The following KCNU1 variants were observed in gnomAD, a reference collection of about 807,000 sequenced individuals.
The protein encoded by KCNU1 is potassium calcium-activated channel subfamily U member 1, also known as potassium channel subfamily U member 1.
In KCNU1, 93 loss-of-function variants were observed where a neutral mutation model predicts 126.8. The ratio of observed to expected loss-of-function variants is 0.73; its 90% CI spans 0.62 to 0.87. The LOEUF (loss-of-function observed/expected upper bound fraction) is 0.87. Among genes scored for constraint, KCNU1 ranks in the 40% least tolerant of loss-of-function variants. KCNU1 has a pLI of 0.00. For missense variants in KCNU1, 1,330 were observed against 1,367.1 expected (o/e 0.97, Z 0.43); for synonymous variants, 523 against 494.2 (o/e 1.06, Z -0.77).
At chr8:36,875,123 C>T (rs1462318350) in intron 19 of KCNU1, among the ~76,000 whole-genome samples, 2 of 151,974 alleles carry the variant, frequency 1.3e-5, no homozygotes, top group African/African-American at 4.8e-5. Context: ...AAAGAAGCTG[C>T]CATTTTCTGT....
At chr8:36,813,218 TA>T (rs1435504330) in intron 7 of KCNU1, among the ~76,000 whole-genome samples, 1 of 152,128 alleles carries the variant, frequency 6.6e-6, no homozygotes, top group Non-Finnish European at 1.5e-5. Context: ...ACCTATTCAT[TA>T]AATTTAAGAA....
At chr8:36,865,723 T>C (rs989917715) in intron 19 of KCNU1, among the ~76,000 whole-genome samples, 7 of 141,168 alleles carry the variant, frequency 5.0e-5, no homozygotes, top group Admixed American at 7.8e-5. Flanking sequence ...TTACAGTGAG[T>C]TGTGTTCATA....
chr8:36,909,152 A>T lies in KCNU1; in HGVS notation c.2107-159A>T, dbSNP rs116377128. 3.8e-3 allele frequency among the ~76,000 whole-genome samples: 577 copies of T among 152,336 alleles called. 6 individuals carry two copies. Among genetic ancestry groups the T allele is most frequent in the African/African-American group, 0.013 (545 of 41,574 alleles). On this transcript the variant is annotated intron_variant, in intron 20 of 26. Coordinates refer to ENST00000399881, the MANE Select transcript of KCNU1 (RefSeq NM_001031836.3). ...GGTGTAATTGCACCACTTGTGCATG[A>T]GTTCTGTTTTTTATAAACAATTTGC... is the stretch of plus-strand genomic sequence containing the variant.
intron 18 of KCNU1, among the ~76,000 whole-genome samples, chr8:36,849,313 G>A (rs1028252276): frequency 6.6e-6 from 1 of 152,186 alleles, no homozygotes; most frequent in African/African-American, 2.4e-5. Context: ...TTTCAGCTAG[G>A]CACAGTGGCT....
intron 22 of KCNU1, among the ~76,000 whole-genome samples, chr8:36,912,657 C>T (rs977755547): frequency 4.6e-5 from 7 of 151,992 alleles, no homozygotes; most frequent in Non-Finnish European, 1.0e-4. Flanking sequence ...CATAATTGGA[C>T]AAAGAAGAAG....
chr8:36,880,980 G>A (rs955046106), intron 19 of KCNU1, among the ~76,000 whole-genome samples: 3 of 151,988 alleles, frequency 2.0e-5, no homozygotes, highest in Non-Finnish European at 4.4e-5. Context: ...GCTTTGCAGG[G>A]CCCTGGGCAT....
chr8:36,788,613 T>C (rs1563255443), intron 2 of KCNU1, among the ~76,000 whole-genome samples: 1 of 152,188 alleles, frequency 6.6e-6, no homozygotes, highest in African/African-American at 2.4e-5. Flanking sequence ...TAAAGCTTGG[T>C]TGGAAGTATT....
At chr8:36,801,228 T>C (rs1375767114) in intron 2 of KCNU1, among the ~76,000 whole-genome samples, 2 of 152,286 alleles carry the variant, frequency 1.3e-5, no homozygotes, top group East Asian at 3.9e-4. Context: ...AAAGTCTGAT[T>C]AGTTGTAAAT....
chr8:36,787,471 G>A, intron 2 of KCNU1, 46 bp downstream of exon 2: 1 of 1,556,470 alleles, frequency 6.4e-7, no homozygotes, highest in Non-Finnish European at 8.7e-7. Flanking sequence ...TTTAGCCATA[G>A]GTGTGATTAT....
rs376528842 is a variant in KCNU1, at chr8:36,806,333, C to A, written c.533C>A (p.Thr178Asn). 1.9e-6 allele frequency: 3 copies of A among 1,610,938 alleles called. No individual in the cohort carries two copies. Among genetic ancestry groups the A allele is most frequent in the Non-Finnish European group, 2.5e-6 (3 of 1,178,392 alleles). ...LEMNSIVDIF[T>N]IPPTFISYYL... The stretch of plus-strand genomic sequence containing the variant: ...ATGAATTCAATCGTAGACATCTTTA[C>A]CATCCCACCAACCTTTATTTCTTAT... The change falls in exon 5 of 27, where the codon ACC (threonine) becomes AAC (asparagine). Residue 178 changes from threonine (T) to asparagine (N), a missense_variant. Thr to Asn is a moderately conservative substitution (Grantham distance 65). Around this residue, in one of 3 missense-constraint regions of KCNU1, gnomAD observed 247 missense variants for 255.4 expected, o/e 0.97. Transcript: ENST00000399881.
At chr8:36,891,685 A>G (rs941603773) in intron 19 of KCNU1, among the ~76,000 whole-genome samples, 4 of 152,114 alleles carry the variant, frequency 2.6e-5, no homozygotes, top group Non-Finnish European at 4.4e-5. Flanking sequence ...TTCATCTGAA[A>G]ATGTCTCCAT....
intron 8 of KCNU1, 141 bp from the exon 9 acceptor site, chr8:36,815,455 G>A (rs907235281): frequency 1.1e-5 from 5 of 465,550 alleles, no homozygotes; most frequent in African/African-American, 8.1e-5. Context: ...GAAGAAAAAC[G>A]AGGTCCCTTT....
At chr8:36,819,093 A>C (rs74330200) in intron 10 of KCNU1, among the ~76,000 whole-genome samples, 1 of 151,994 alleles carries the variant, frequency 6.6e-6, no homozygotes, top group Non-Finnish European at 1.5e-5. Flanking sequence ...TAATGAACAA[A>C]TTTTTTTTAA....
In KCNU1 at chr8:36,909,469, G is replaced by T. The variant is rs562918810; in HGVS notation, c.2265G>T (p.Gly755=). ...AGCTGAAGGACATAGTGTTCATTGG[G>T]TCTCTGGACTATCTACAGAGAGAAT... The part of the protein sequence containing the change: ...RKELKDIVFI[G]SLDYLQREWR... The change falls in exon 21 of 27, where the codon GGG becomes GGT. Residue 755 remains glycine, a synonymous_variant. Coordinates refer to ENST00000399881, the MANE Select transcript of KCNU1 (RefSeq NM_001031836.3). The T allele has an allele frequency of 1.1e-5, 18 of 1,613,396 alleles. No individual in the cohort carries two copies. Among genetic ancestry groups the T allele is most frequent in the Non-Finnish European group, 1.4e-5 (17 of 1,179,514 alleles).
At chr8:36,794,397 AATAT>A (rs1315489533) in intron 2 of KCNU1, among the ~76,000 whole-genome samples, 1 of 152,032 alleles carries the variant, frequency 6.6e-6, no homozygotes, top group East Asian at 1.9e-4. Context: ...TACATACATA[AATAT>A]ATATATAACT....
chr8:36,847,361 T>C (rs1331943524), intron 18 of KCNU1, among the ~76,000 whole-genome samples: 1 of 152,216 alleles, frequency 6.6e-6, no homozygotes, highest in Admixed American at 6.5e-5. Context: ...CATTTTTGTG[T>C]TGTGAACATT....
chr8:36,797,147 G>T (rs919026973), intron 2 of KCNU1, among the ~76,000 whole-genome samples: 1 of 152,098 alleles, frequency 6.6e-6, no homozygotes, highest in Non-Finnish European at 1.5e-5. Context: ...TCTTGAGTGA[G>T]TTAATTTTTC....
intron 2 of KCNU1, among the ~76,000 whole-genome samples, chr8:36,788,200 T>C (rs1802781463): frequency 6.6e-6 from 1 of 152,162 alleles, no homozygotes; most frequent in Non-Finnish European, 1.5e-5. Flanking sequence ...TTGGGCATCA[T>C]CTTCTCGGGG....
At chr8:36,795,625 T>C (rs1440172953) in intron 2 of KCNU1, 1 of 152,460 alleles carries the variant, frequency 6.6e-6, no homozygotes, top group Non-Finnish European at 1.5e-5. Flanking sequence ...CTCCTGTCCA[T>C]AGTTCCCTGA....
Sources: gnomAD v4.1 joint callset for allele counts (sites outside exome capture counted in the v4.1 genomes callset) on GRCh38, gnomAD v4.1.1 for gene constraint, gnomAD v4.1.1 regional missense constraint, MANE v1.5 for transcripts, NCBI Gene and HGNC (gene_info 2026-07-23, HGNC 2026-07-21) for gene names.